PTPRR: variants seen among roughly 807,000 people sequenced by gnomAD.
PTPRR encodes protein tyrosine phosphatase receptor type R.
Under a neutral mutation model 77.2 loss-of-function variants are expected in PTPRR, and 38 were observed. That is an observed-to-expected ratio of 0.49 (90% CI 0.38 to 0.65). The LOEUF (loss-of-function observed/expected upper bound fraction) is 0.65, where lower values mean the gene tolerates loss of function less well. PTPRR is among the 30% of genes least tolerant of loss of function. PTPRR has a pLI of 0.00. For synonymous variants in PTPRR, 299 were observed against 283.1 expected (o/e 1.06, Z -0.57); for missense variants, 744 against 799.2 (o/e 0.93, Z 0.83).
chr12:70,788,524 G>A (rs984441056), intron 2 of PTPRR, among the ~76,000 whole-genome samples: 2 of 152,170 alleles, frequency 1.3e-5, no homozygotes, highest in African/African-American at 4.8e-5. Flanking sequence ...TTCTGTTCAA[G>A]TGAACATATT....
chr12:70,722,773 C>G (rs979700311), intron 6 of PTPRR, among the ~76,000 whole-genome samples: 1 of 152,062 alleles, frequency 6.6e-6, no homozygotes, highest in Admixed American at 6.5e-5. Flanking sequence ...CCTTCCTTGC[C>G]CCCTGTTTCA....
chr12:70,753,450 A>T (rs1242974438), intron 5 of PTPRR, among the ~76,000 whole-genome samples: 2 of 152,180 alleles, frequency 1.3e-5, no homozygotes, highest in African/African-American at 4.8e-5. Context: ...TAATTATTAT[A>T]TTACATCTTG....
chr12:70,652,650 A>T (rs143241549), intron 13 of PTPRR, among the ~76,000 whole-genome samples: 108 of 152,276 alleles, frequency 7.1e-4, no homozygotes, highest in African/African-American at 2.5e-3. Flanking sequence ...TGTTTTCAAG[A>T]TCCTATCAGA....
intron 2 of PTPRR, among the ~76,000 whole-genome samples, chr12:70,872,522 C>T (rs372380956): frequency 4.6e-5 from 7 of 151,522 alleles, no homozygotes; most frequent in Middle Eastern, 3.4e-3. Context: ...GATGAAACCC[C>T]GTCTCTACTA....
intron 5 of PTPRR, among the ~76,000 whole-genome samples, chr12:70,751,784 G>C (rs773597508): frequency 6.6e-6 from 1 of 152,040 alleles, no homozygotes; most frequent in Admixed American, 6.6e-5. Flanking sequence ...TCATTTTCCC[G>C]TTATTAACAT....
At chr12:70,787,266 T>C (rs540601545) in intron 2 of PTPRR, among the ~76,000 whole-genome samples, 1 of 152,336 alleles carries the variant, frequency 6.6e-6, no homozygotes, top group African/African-American at 2.4e-5. Context: ...AGTATATATA[T>C]TGATCAGAAA....
chr12:70,745,744 G>A (rs1565678790), intron 6 of PTPRR, 74 bp downstream of exon 6: 2 of 1,489,724 alleles, frequency 1.3e-6, no homozygotes, highest in East Asian at 2.3e-5. Context: ...ATCATTACTA[G>A]TTCTTTCTTT....
chr12:70,896,753 T>C (rs562320978), intron 1 of PTPRR, among the ~76,000 whole-genome samples: 6 of 151,978 alleles, frequency 3.9e-5, no homozygotes, highest in Middle Eastern at 3.4e-3. Flanking sequence ...AGGTCTAACA[T>C]GTAAGTCTTT....
At chr12:70,679,306 G>C (rs1024692358) in intron 10 of PTPRR, among the ~76,000 whole-genome samples, 19 of 152,060 alleles carry the variant, frequency 1.2e-4, no homozygotes, top group Admixed American at 6.5e-5. Flanking sequence ...AAATGATTTT[G>C]ATCTTTTAAA....
intron 2 of PTPRR, among the ~76,000 whole-genome samples, chr12:70,862,542 A>G (rs1892770748): frequency 7.2e-6 from 1 of 138,030 alleles, no homozygotes; most frequent in African/African-American, 2.7e-5. Context: ...TTGAACAATG[A>G]GAACACATGG....
chr12:70,754,336 G>A (rs776971192), intron 4 of PTPRR, 35 bp from the exon 5 acceptor site: 4 of 1,609,970 alleles, frequency 2.5e-6, no homozygotes, highest in Non-Finnish European at 3.4e-6. Flanking sequence ...GACGTTAAAT[G>A]AGAGCTTGAG....
intron 3 of PTPRR, among the ~76,000 whole-genome samples, chr12:70,762,697 G>A (rs1197126139): frequency 6.6e-6 from 1 of 152,152 alleles, no homozygotes; most frequent in Non-Finnish European, 1.5e-5. Flanking sequence ...ACCGCTAAGC[G>A]ATAGGTATTA....
chr12:70,738,371 T>C (rs759125431), intron 6 of PTPRR, among the ~76,000 whole-genome samples: 2 of 152,214 alleles, frequency 1.3e-5, no homozygotes, highest in African/African-American at 2.4e-5. Context: ...ATTAATATCA[T>C]AGTCCTGATG....
chr12:70,785,617 A>G (rs1891304684), intron 2 of PTPRR, among the ~76,000 whole-genome samples: 1 of 152,200 alleles, frequency 6.6e-6, no homozygotes, highest in South Asian at 2.1e-4. Context: ...AAAATATAAA[A>G]TAATACTCTA....
At chr12:70,733,470 C>CAAAAAAAAAAAA (rs1193950231) in intron 6 of PTPRR, among the ~76,000 whole-genome samples, 3 of 74,080 alleles carry the variant, frequency 4.0e-5, no homozygotes, top group African/African-American at 1.7e-4. Context: ...AAAATTATGG[C>CAAAAAAAAAAAA]AAAAAAAAAA....
At chr12:70,797,941 A>G (rs1891545157) in intron 2 of PTPRR, among the ~76,000 whole-genome samples, 1 of 152,130 alleles carries the variant, frequency 6.6e-6, no homozygotes, top group African/African-American at 2.4e-5. Context: ...CATGTTTTAC[A>G]CATTCTATGT....
intron 2 of PTPRR, among the ~76,000 whole-genome samples, chr12:70,819,056 C>T (rs1036509451): frequency 1.3e-5 from 2 of 152,182 alleles, no homozygotes; most frequent in Non-Finnish European, 2.9e-5. Context: ...TGTGGTGGCT[C>T]ACACCTGTAA....
intron 2 of PTPRR, among the ~76,000 whole-genome samples, chr12:70,787,858 A>G (rs1367977310): frequency 2.0e-5 from 3 of 152,210 alleles, no homozygotes; most frequent in East Asian, 3.8e-4. Context: ...CACCAGATGC[A>G]TTATTTTTTG....
At chr12:70,724,096 G>A (rs913913008) in intron 6 of PTPRR, among the ~76,000 whole-genome samples, 2 of 152,102 alleles carry the variant, frequency 1.3e-5, no homozygotes, top group Non-Finnish European at 2.9e-5. Flanking sequence ...GACCATTTTG[G>A]TTATAAGAGG....
Sources: allele counts gnomAD v4.1 joint callset (sites outside exome capture counted in the v4.1 genomes callset), GRCh38; gene constraint gnomAD v4.1.1; transcripts MANE v1.5; gene names NCBI Gene and HGNC (gene_info 2026-07-23, HGNC 2026-07-21).